Variants in PIGF observed in about 807,000 individuals in gnomAD.
PIGF encodes the protein phosphatidylinositol glycan anchor biosynthesis class F.
In PIGF, 23 loss-of-function variants were observed where a neutral mutation model predicts 26.0. The observed-to-expected ratio is 0.88, with a 90% CI of 0.64 to 1.25. PIGF has a LOEUF of 1.25. Ranked by LOEUF, PIGF falls within the 50% of genes most tolerant of loss-of-function variation. The pLI is 0.00. For synonymous variants in PIGF, 93 were observed against 92.6 expected (o/e 1.00, Z -0.03); for missense variants, 278 against 249.9 (o/e 1.11, Z -0.76).
At chr2:46,615,278 A>AT (rs1254763010) in intron 1 of PIGF, 93 bp from the exon 2 acceptor site, 13 of 621,024 alleles carry the variant, frequency 2.1e-5, no homozygotes, top group Non-Finnish European at 3.5e-5. Flanking sequence ...CATAAAGTCA[A>AT]TTTTCTATGA....
chr2:46,588,131 A>C lies in PIGF; in HGVS notation c.546+4344T>G. The C allele has an allele frequency of 6.2e-7, 1 of 1,612,262 alleles. No homozygotes were observed. The highest frequency in any genetic ancestry group is 8.5e-7 in the Non-Finnish European group (1 of 1,179,110). ...CATTTCACAGTACCAAGCCCCCTGC[A>C]GGGTACATGGAGAGATCTATAAGTG... On this transcript the variant is annotated intron_variant, in intron 5 of 5. Coordinates refer to ENST00000281382, the MANE Select transcript of PIGF (RefSeq NM_002643.4). This position sits in a 1 kb window ranked among gnomAD's most constrained non-coding sequence, Gnocchi z 4.1.
At chr2:46,587,990 C>G in intron 5 of PIGF, 1 of 1,142,804 alleles carries the variant, frequency 8.8e-7, no homozygotes, top group East Asian at 3.1e-5. Context: ...CTCCCTCTTC[C>G]CACCTGAGTA....
chr2:46,595,239 T>C (rs1669847358), intron 4 of PIGF, among the ~76,000 whole-genome samples: 1 of 152,138 alleles, frequency 6.6e-6, no homozygotes, highest in African/African-American at 2.4e-5. Context: ...ATCCCCAGAC[T>C]CTTTAACCAT....
chr2:46,611,327 T>C (rs1044773346), intron 4 of PIGF, among the ~76,000 whole-genome samples: 1 of 151,670 alleles, frequency 6.6e-6, no homozygotes, highest in South Asian at 2.1e-4. Context: ...CTACTAAAAA[T>C]AGAAAAATTA....
intron 3 of PIGF, 43 bp from the exon 4 acceptor site, chr2:46,612,387 T>C (rs376871823): frequency 1.1e-5 from 7 of 640,482 alleles, no homozygotes; most frequent in African/African-American, 1.9e-5. Flanking sequence ...GTGTTAAAGG[T>C]AAACATACAC....
At chr2:46,614,910 A>T (rs1482709934) in intron 2 of PIGF, 27 bp downstream of exon 2, 1 of 1,059,194 alleles carries the variant, frequency 9.4e-7, no homozygotes, top group Non-Finnish European at 1.5e-6. Context: ...TCCATCCAAA[A>T]ATCAGTTATT....
At chr2:46,613,885 A>T (rs148980885) in intron 2 of PIGF, 100 bp from the exon 3 acceptor site, 1 of 979,128 alleles carries the variant, frequency 1.0e-6, no homozygotes, top group African/African-American at 1.7e-5. Context: ...CATAATGTGT[A>T]AAACAGTTCA....
chr2:46,591,708 A>G, intron 5 of PIGF: 12 of 1,102,678 alleles, frequency 1.1e-5, no homozygotes, highest in Non-Finnish European at 1.2e-5. Flanking sequence ...ATAAAGATAC[A>G]GTCATCACTG....
chr2:46,605,551 T>C (rs901371210), intron 4 of PIGF, among the ~76,000 whole-genome samples: 36 of 152,258 alleles, frequency 2.4e-4, no homozygotes, highest in Admixed American at 1.8e-3. Flanking sequence ...ATTTCATTCA[T>C]TTCACTCAGT....
Position 46,585,088 on chromosome 2 carries a change from A to G in PIGF, c.547-3497T>C, listed in dbSNP as rs192163907. Reference sequence around the variant, plus strand: ...CATGCCACAAATAGGATTTTTTAAAAAAGTGATATCTATTAAATACATAAT... The same window carrying G: ...CATGCCACAAATAGGATTTTTTAAAGAAGTGATATCTATTAAATACATAAT... On this transcript the variant is annotated intron_variant, in intron 5 of 5. Transcript: ENST00000281382. Among the ~76,000 whole-genome samples, 758 of 152,338 alleles carry G rather than the reference A, an allele frequency of 5.0e-3. 4 individuals carry two copies. The highest frequency in any genetic ancestry group is 0.037 in the Middle Eastern group (11 of 294).
chr2:46,581,119 C>T lies in PIGF; in HGVS notation c.*359G>A. 1 of 1,437,214 alleles carries T rather than the reference C, an allele frequency of 7.0e-7. No individual in the cohort carries two copies. Among genetic ancestry groups the T allele is most frequent in the Non-Finnish European group, 9.3e-7 (1 of 1,072,090 alleles). 89.0% of individuals were successfully genotyped at this position (1,437,214 alleles called of 1,614,324 possible). A position where few individuals can be genotyped will look rare whatever the true frequency, so the allele number is the denominator to read the frequency against. On this transcript the variant is annotated 3_prime_UTR_variant, in exon 6 of 6. Coordinates refer to ENST00000281382, the MANE Select transcript of PIGF (RefSeq NM_002643.4). ...CAGTGGCCAAGGAAACTGTCCATTTCTCTCAGAAAGCAAATGAAATGCTAC... is the reference window on the plus strand; with the variant it reads ...CAGTGGCCAAGGAAACTGTCCATTTTTCTCAGAAAGCAAATGAAATGCTAC...
intron 3 of PIGF, 146 bp downstream of exon 3, chr2:46,613,548 G>C: frequency 1.7e-6 from 1 of 578,342 alleles, no homozygotes; most frequent in African/African-American, 1.9e-5. Context: ...TTTTAAAAAA[G>C]AATAACACTG....
intron 1 of PIGF, 143 bp from the exon 2 acceptor site, chr2:46,615,328 T>TA (rs752817356): frequency 1.5e-5 from 8 of 541,804 alleles, no homozygotes; most frequent in Non-Finnish European, 2.3e-5. Flanking sequence ...TGCAGACGTG[T>TA]AGATGCACAT....
chr2:46,601,421 T>C (rs998435072), intron 4 of PIGF, among the ~76,000 whole-genome samples: 1 of 152,120 alleles, frequency 6.6e-6, no homozygotes, highest in African/African-American at 2.4e-5. Flanking sequence ...CCAGACACTG[T>C]ATCAGACACC....
intron 2 of PIGF, 47 bp downstream of exon 2, chr2:46,614,890 A>G (rs971055181): frequency 4.8e-6 from 4 of 842,056 alleles, no homozygotes; most frequent in Admixed American, 2.2e-5. Context: ...CCATTAAAAG[A>G]AACACTAGCT....
At chr2:46,611,107 A>G (rs1343516150) in intron 4 of PIGF, among the ~76,000 whole-genome samples, 4 of 152,070 alleles carry the variant, frequency 2.6e-5, no homozygotes, top group Admixed American at 2.6e-4. Context: ...GAGTTCCTAC[A>G]CCACTTATTG....
At chr2:46,592,860 C>T (rs1669763692) in intron 4 of PIGF, among the ~76,000 whole-genome samples, 1 of 152,196 alleles carries the variant, frequency 6.6e-6, no homozygotes, top group Non-Finnish European at 1.5e-5. Context: ...CCCCTATCAT[C>T]AACTCCTGGT....
chr2:46,595,363 A>G (rs1054861448), intron 4 of PIGF, among the ~76,000 whole-genome samples: 1 of 152,184 alleles, frequency 6.6e-6, no homozygotes, highest in African/African-American at 2.4e-5. Flanking sequence ...ATCATAAAGC[A>G]TGTATGACTG....
intron 4 of PIGF, among the ~76,000 whole-genome samples, chr2:46,609,653 C>T (rs1208949871): frequency 6.6e-6 from 1 of 151,946 alleles, no homozygotes; most frequent in African/African-American, 2.4e-5. Context: ...TATTAACTGG[C>T]CTAAATTTGA....
Sources: gnomAD v4.1 joint callset for allele counts (sites outside exome capture counted in the v4.1 genomes callset) on GRCh38, gnomAD v4.1.1 for gene constraint, Gnocchi (gnomAD v3.1) non-coding constraint, MANE v1.5 for transcripts, NCBI Gene and HGNC (gene_info 2026-07-23, HGNC 2026-07-21) for gene names.